Variants in EVC2 observed in about 807,000 individuals in gnomAD.
The protein encoded by EVC2 is EvC ciliary complex subunit 2.
A neutral mutation model predicts 149.3 loss-of-function variants in EVC2; 148 were observed. The observed-to-expected ratio is 0.99, with a 90% confidence interval of 0.87 to 1.14. The LOEUF (loss-of-function observed/expected upper bound fraction) is 1.14, where lower values mean the gene tolerates loss of function less well. EVC2 is among the 50% of genes most tolerant of loss of function. The pLI is 0.00. For synonymous variants in EVC2, 776 were observed against 649.9 expected, an observed-to-expected ratio of 1.19 and a Z score of -2.95; for missense variants, 1,854 against 1,627.3, an observed-to-expected ratio of 1.14 and a Z score of -2.40.
At chr4:5,695,477 G>C (rs934409929) in intron 2 of EVC2, among the ~76,000 whole-genome samples, 6 of 152,346 alleles carry the variant, frequency 3.9e-5, no homozygotes, top group African/African-American at 1.4e-4. Context: ...GTCCGGGCTG[G>C]GCTGTCAGGG....
intron 21 of EVC2, among the ~76,000 whole-genome samples, chr4:5,543,576 G>GAGGT (rs1401727391): frequency 6.6e-6 from 1 of 152,166 alleles, no homozygotes; most frequent in Non-Finnish European, 1.5e-5. Flanking sequence ...AGCCCAACAG[G>GAGGT]AGGTAAGGTG....
At position 5,686,348 on chromosome 4, in the gene EVC2, C is replaced by T. The variant is rs1432439488; in HGVS notation, c.707-869G>A. Among the ~76,000 whole-genome samples the T allele has an allele frequency of 5.3e-5, 8 of 152,070 alleles. No homozygotes were observed. The highest frequency in any genetic ancestry group is 2.9e-5 in the Non-Finnish European group (2 of 68,002). Reference sequence around the variant, plus strand: ...GCTGGGACTTTAGGTGTGGACCATGCTCATCTCATTTTATTTTTATATAAC... The same window carrying T: ...GCTGGGACTTTAGGTGTGGACCATGTTCATCTCATTTTATTTTTATATAAC... On this transcript the variant is annotated intron_variant, in intron 5 of 21. Coordinates refer to ENST00000344408, the MANE Select transcript of EVC2 (RefSeq NM_147127.5). The surrounding 1 kb of genome is among the most constrained non-coding windows in gnomAD (Gnocchi z 5.4).
the EVC2 span, among the ~76,000 whole-genome samples, chr4:5,529,306 G>A: frequency 6.6e-6 from 1 of 152,156 alleles, no homozygotes; most frequent in East Asian, 1.9e-4. The surrounding 1 kb of genome is among the most constrained non-coding windows in gnomAD (Gnocchi z 4.5). Flanking sequence ...ATCCTCATCT[G>A]TCTCGCTCCT....
In EVC2 at chr4:5,562,617, T is replaced by C; in HGVS notation, c.*231A>G. 7.1e-7 allele frequency: 1 copy of C among 1,406,072 alleles called. No homozygotes were observed. Among genetic ancestry groups the C allele is most frequent in the Non-Finnish European group, 9.2e-7 (1 of 1,082,516 alleles). 87.1% of individuals were successfully genotyped at this position (1,406,072 alleles called of 1,614,324 possible). A position where few individuals can be genotyped will look rare whatever the true frequency, so the allele number is the denominator to read the frequency against. ...CTCCAGGGCCCTGGGGAGGTGGGGC[T>C]GAAAGAAGGAGTGTTTATGTCCTTG... On this transcript the variant is annotated 3_prime_UTR_variant, in exon 22 of 22. Coordinates refer to ENST00000344408, the MANE Select transcript of EVC2 (RefSeq NM_147127.5). The surrounding 1 kb of genome is among the most constrained non-coding windows in gnomAD (Gnocchi z 4.3).
At chr4:5,689,479 AT>A in intron 4 of EVC2, 136 bp from the exon 5 acceptor site, 1 of 830,144 alleles carries the variant, frequency 1.2e-6, no homozygotes, top group East Asian at 2.7e-5. Context: ...GGGCCTGGGA[AT>A]TTATCAGTCT....
rs1715256104 is a variant in EVC2 at position 5,616,412 on chromosome 4, A to G, written c.2707-868T>C. On this transcript the variant is annotated intron_variant, in intron 15 of 21. Transcript: ENST00000344408. ...TGGTCTGGGAGCCCTGGGGGCCACCAGCAGATGAGGTCAAACGTAGACACT... is the reference window on the plus strand; with the variant it reads ...TGGTCTGGGAGCCCTGGGGGCCACCGGCAGATGAGGTCAAACGTAGACACT... Among the ~76,000 whole-genome samples the G allele has an allele frequency of 2.1e-5, 3 of 143,666 alleles. No individual in the cohort carries two copies. The South Asian group carries it at 6.2e-4, about 30-fold the overall frequency. The allele number at this position is 143,666 out of a possible 152,430, so 94.3% of individuals were successfully genotyped here.
intron 16 of EVC2, among the ~76,000 whole-genome samples, chr4:5,588,006 C>T (rs952868375): frequency 2.6e-5 from 4 of 152,036 alleles, no homozygotes; most frequent in African/African-American, 7.3e-5. Flanking sequence ...GGGTGGTCTC[C>T]TCCCTGAGTT....
At chr4:5,705,808 T>C (rs1272862853) in intron 1 of EVC2, among the ~76,000 whole-genome samples, 1 of 152,102 alleles carries the variant, frequency 6.6e-6, no homozygotes, top group African/African-American at 2.4e-5. Context: ...TGTGACTCCA[T>C]GGACCCCTAT....
chr4:5,640,724 G>A lies in EVC2; in HGVS notation c.1260C>T (p.Leu420=), dbSNP rs150859940. ...TCATTTTTCTCTCTACTTGGGGTGA[G>A]AGGTGGCCACTGCTGGTGAGATTTT... ...LLKNLTSSGH[L]SPQVERKMSA... is the part of the protein sequence containing the mutation. Residue 420 remains leucine (L), a synonymous_variant, in exon 10 of 22, where the codon CTC becomes CTT. Transcript: ENST00000344408. The surrounding 1 kb of genome is among the most constrained non-coding windows in gnomAD (Gnocchi z 4.6). The A allele has an allele frequency of 5.6e-6, 9 of 1,614,000 alleles. No individual in the cohort carries two copies. In the East Asian group the frequency reaches 1.8e-4, roughly 32 times the overall value.
At chr4:5,684,767 G>A (rs572817210) in intron 6 of EVC2, among the ~76,000 whole-genome samples, 78 of 152,302 alleles carry the variant, frequency 5.1e-4, no homozygotes, top group African/African-American at 1.8e-3. Flanking sequence ...TTTGGAGACA[G>A]GGTCTTTACA....
At chr4:5,547,285 A>G (rs1188466245) in intron 21 of EVC2, among the ~76,000 whole-genome samples, 1 of 152,232 alleles carries the variant, frequency 6.6e-6, no homozygotes, top group African/African-American at 2.4e-5. Context: ...GAGGGAAGCC[A>G]AAGGGGTGCT....
In EVC2 at chr4:5,584,807, G is replaced by A. The variant is rs1356938184; in HGVS notation, c.2873C>T (p.Ala958Val). ...CGACTGTGCAAAGCCTCCCTCCTGT[G>A]CCTCCATCCGCTGCACTCTCTCCCG... is the stretch of plus-strand genomic sequence containing the variant. ...LLRERVQRME[A>V]QEGGFAQSLV... The change falls in exon 17 of 22, where the codon GCA (alanine) becomes GTA (valine). Residue 958 changes from alanine to valine, a missense_variant. Transcript: ENST00000344408. 5 of 1,614,164 alleles carry A rather than the reference G, an allele frequency of 3.1e-6. No individual in the cohort carries two copies. Among genetic ancestry groups the A allele is most frequent in the Non-Finnish European group, 4.2e-6 (5 of 1,180,034 alleles).
chr4:5,651,592 T>C (rs1171144925), intron 9 of EVC2, among the ~76,000 whole-genome samples: 2 of 152,240 alleles, frequency 1.3e-5, no homozygotes, highest in Non-Finnish European at 2.9e-5. Flanking sequence ...AAGTGTGCTC[T>C]ACCTGAAGGT....
At chr4:5,620,734 C>A (rs887141302) in intron 14 of EVC2, among the ~76,000 whole-genome samples, 2 of 152,144 alleles carry the variant, frequency 1.3e-5, no homozygotes, top group African/African-American at 4.8e-5. Context: ...CTCTTTTTCC[C>A]ATTAAATGGC....
At chr4:5,643,682 A>G (rs1717501757) in intron 9 of EVC2, among the ~76,000 whole-genome samples, 1 of 152,178 alleles carries the variant, frequency 6.6e-6, no homozygotes, top group African/African-American at 2.4e-5. Context: ...GCACTTTGGG[A>G]GGCCAAGGTG....
At chr4:5,689,429 T>A in intron 4 of EVC2, 86 bp from the exon 5 acceptor site, 1 of 1,352,126 alleles carries the variant, frequency 7.4e-7, no homozygotes, top group Non-Finnish European at 1.1e-6. Context: ...CTGTGCACAT[T>A]AGGCATCCAG....
At chr4:5,561,247 C>A (rs1418402599), downstream of EVC2, among the ~76,000 whole-genome samples, 1 of 152,170 alleles carries the variant, frequency 6.6e-6, no homozygotes, top group Non-Finnish European at 1.5e-5. Context: ...TCAATTATAT[C>A]TACTTGCCCA....
At chr4:5,562,302 G>T, downstream of EVC2, 1 of 281,546 alleles carries the variant, frequency 3.6e-6, no homozygotes, top group Non-Finnish European at 5.4e-6. This position sits in a 1 kb window ranked among gnomAD's most constrained non-coding sequence, Gnocchi z 4.3. Flanking sequence ...GACCCCAGGG[G>T]CTGACACATG....
intron 16 of EVC2, among the ~76,000 whole-genome samples, chr4:5,608,471 T>C (rs769545811): frequency 6.6e-6 from 1 of 152,210 alleles, no homozygotes; most frequent in Non-Finnish European, 1.5e-5. Flanking sequence ...AGGTGGCTGG[T>C]AAAACATTAT....
Sources: allele counts gnomAD v4.1 joint callset (sites outside exome capture counted in the v4.1 genomes callset), GRCh38; gene constraint gnomAD v4.1.1; non-coding constraint Gnocchi (gnomAD v3.1); transcripts MANE v1.5; gene names NCBI Gene and HGNC (gene_info 2026-07-23, HGNC 2026-07-21).